The following EYS variants were observed in gnomAD, a reference collection of about 807,000 sequenced individuals.
EYS encodes the protein protein eyes shut homolog.
In EYS, 250 loss-of-function variants were observed where a neutral mutation model predicts 282.1. The ratio of observed to expected loss-of-function variants is 0.89; its 90% CI spans 0.80 to 0.98. The LOEUF (loss-of-function observed/expected upper bound fraction) is 0.98, where lower values mean the gene tolerates loss of function less well. Ranked by LOEUF, EYS falls within the 50% of genes least tolerant of loss-of-function variation. EYS has a pLI of 0.00. For missense variants in EYS, 4,016 were observed against 3,709.0 expected, an observed-to-expected ratio of 1.08 and a Z score of -2.15; for synonymous variants, 1,355 against 1,282.9, an observed-to-expected ratio of 1.06 and a Z score of -1.20.
chr6:65,194,841 T>C (rs1765726536), intron 12 of EYS, among the ~76,000 whole-genome samples: 1 of 148,096 alleles, frequency 6.8e-6, no homozygotes, highest in Non-Finnish European at 1.5e-5. Flanking sequence ...GAGAATCTCA[T>C]GTTTGCCAGT....
intron 28 of EYS, chr6:64,412,535 G>A (rs868244870): frequency 1.3e-5 from 2 of 152,142 alleles, no homozygotes; most frequent in Non-Finnish European, 2.9e-5. Context: ...CATTTGAGAT[G>A]CTGAGGATGT....
chr6:64,859,650 C>T (rs565920739), intron 19 of EYS, among the ~76,000 whole-genome samples: 20 of 152,186 alleles, frequency 1.3e-4, no homozygotes, highest in Admixed American at 2.6e-4. Context: ...AACCTCTCTT[C>T]TCTTGTCTGC....
chr6:65,187,947 A>G (rs1474081612), intron 12 of EYS, among the ~76,000 whole-genome samples: 1 of 151,794 alleles, frequency 6.6e-6, no homozygotes, highest in East Asian at 1.9e-4. Flanking sequence ...CACTGTCCCT[A>G]TATATAACAA....
At chr6:64,051,298 T>C (rs887720647) in intron 33 of EYS, among the ~76,000 whole-genome samples, 3 of 152,178 alleles carry the variant, frequency 2.0e-5, no homozygotes, top group African/African-American at 7.2e-5. Context: ...GATTAGGAAA[T>C]TGTTAAGGAC....
intron 22 of EYS, among the ~76,000 whole-genome samples, chr6:64,703,298 A>C (rs1770850893): frequency 6.7e-6 from 1 of 150,004 alleles, no homozygotes; most frequent in Non-Finnish European, 1.5e-5. Context: ...ATAGTGCCCA[A>C]ATAATTATCT....
intron 29 of EYS, among the ~76,000 whole-genome samples, chr6:64,344,550 A>C (rs1040290959): frequency 3.5e-4 from 53 of 152,286 alleles, no homozygotes; most frequent in African/African-American, 1.2e-3. Context: ...GATGTATCTC[A>C]AAATAATAAG....
chr6:65,258,909 T>C (rs898619932), intron 12 of EYS, among the ~76,000 whole-genome samples: 1 of 152,056 alleles, frequency 6.6e-6, no homozygotes, highest in African/African-American at 2.4e-5. Flanking sequence ...TTTTAAATTT[T>C]GGGGAAAAAG....
chr6:64,801,850 G>A (rs960537379), intron 22 of EYS, among the ~76,000 whole-genome samples: 2 of 151,892 alleles, frequency 1.3e-5, no homozygotes, highest in African/African-American at 2.4e-5. Context: ...TACCATACCC[G>A]TCTTAACTAG....
chr6:64,947,000 C>T (rs1425201041), intron 14 of EYS, among the ~76,000 whole-genome samples: 1 of 151,764 alleles, frequency 6.6e-6, no homozygotes, highest in Non-Finnish European at 1.5e-5. Flanking sequence ...ATAATGCCAG[C>T]CCAGTTTCTC....
intron 5 of EYS, among the ~76,000 whole-genome samples, chr6:65,471,483 T>G (rs376596345): frequency 1.3e-5 from 2 of 152,160 alleles, no homozygotes; most frequent in African/African-American, 4.8e-5. Context: ...TTTTTTATAT[T>G]AGTACAAGAG....
chr6:64,510,500 G>A (rs1326544774), intron 26 of EYS, among the ~76,000 whole-genome samples: 1 of 151,900 alleles, frequency 6.6e-6, no homozygotes, highest in Non-Finnish European at 1.5e-5. Flanking sequence ...GGTACGTCAA[G>A]AGATTGTACA....
At chr6:64,680,281 T>G (rs1044318593) in intron 22 of EYS, among the ~76,000 whole-genome samples, 4 of 152,188 alleles carry the variant, frequency 2.6e-5, no homozygotes, top group Non-Finnish European at 5.9e-5. Context: ...TCCCTGCTGA[T>G]GCCATCCCCA....
rs1325335839 is a variant in EYS at position 64,813,401 on chromosome 6, C to T, written c.3420G>A (p.Gly1140=). 17 of 1,546,836 alleles carry T rather than the reference C, an allele frequency of 1.1e-5. No individual in the cohort carries two copies. The highest frequency in any genetic ancestry group is 1.5e-5 in the Non-Finnish European group (17 of 1,144,394). ...ACCTGCAGTCAAAAGTATGTCCAGG[C>T]CCATCAACACAGATCCCTCCATTAA... ...ICLNGGICVD[G]PGHTFDCRCL... is the part of the protein sequence containing the mutation. Residue 1140 remains glycine (G), a synonymous_variant, in exon 22 of 43, where the codon GGG becomes GGA. Coordinates refer to ENST00000503581, the MANE Select transcript of EYS (RefSeq NM_001142800.2).
chr6:63,905,223 G>A (rs1372211285), intron 35 of EYS, among the ~76,000 whole-genome samples: 1 of 151,206 alleles, frequency 6.6e-6, no homozygotes, highest in East Asian at 2.0e-4. Flanking sequence ...TATCCATGTC[G>A]TAGCATGTAT....
At chr6:65,361,118 A>G (rs1228972173) in intron 8 of EYS, among the ~76,000 whole-genome samples, 2 of 83,686 alleles carry the variant, frequency 2.4e-5, no homozygotes, top group African/African-American at 9.1e-5. Flanking sequence ...AGGACAAAAA[A>G]ACAAACACCG....
chr6:64,448,722 C>T (rs1775209296), intron 26 of EYS, among the ~76,000 whole-genome samples: 1 of 152,176 alleles, frequency 6.6e-6, no homozygotes, highest in Non-Finnish European at 1.5e-5. Context: ...CTGCATCCTC[C>T]ACTGCTGATA....
chr6:64,326,704 T>A (rs578236376), intron 29 of EYS, among the ~76,000 whole-genome samples: 1 of 152,142 alleles, frequency 6.6e-6, no homozygotes, highest in Non-Finnish European at 1.5e-5. Flanking sequence ...AGACTTGGGG[T>A]CCTTGGCACT....
intron 29 of EYS, among the ~76,000 whole-genome samples, chr6:64,337,903 G>A (rs1232367218): frequency 2.6e-5 from 4 of 152,056 alleles, no homozygotes; most frequent in African/African-American, 9.7e-5. Context: ...AATAGATGCA[G>A]AGAAAGTATT....
intron 16 of EYS, among the ~76,000 whole-genome samples, chr6:64,910,042 G>T (rs1389399153): frequency 1.3e-5 from 2 of 152,002 alleles, no homozygotes; most frequent in Non-Finnish European, 2.9e-5. Flanking sequence ...AAATACATAC[G>T]CTGAATCCTT....
Sources: gnomAD v4.1 joint callset for allele counts (sites outside exome capture counted in the v4.1 genomes callset) on GRCh38, gnomAD v4.1.1 for gene constraint, MANE v1.5 for transcripts, NCBI Gene and HGNC (gene_info 2026-07-23, HGNC 2026-07-21) for gene names.